The following EML6 variants were observed in gnomAD, a reference collection of about 807,000 sequenced individuals.
The protein encoded by EML6 is EMAP like 6.
A neutral mutation model predicts 240.1 loss-of-function variants in EML6; 154 were observed. The observed-to-expected ratio is 0.64, with a 90% CI of 0.56 to 0.73. The LOEUF is 0.73. EML6 is among the 30% of genes least tolerant of loss of function. EML6 has a pLI of 0.00. For missense variants in EML6, 2,964 were observed against 2,474.6 expected (o/e 1.20, Z -4.20); for synonymous variants, 1,148 against 899.0 (o/e 1.28, Z -4.95).
At position 54,879,530 on chromosome 2, in the gene EML6, G is replaced by C. The variant is rs1422700277; in HGVS notation, c.2345-17G>C. 1 of 1,521,380 alleles carries C rather than the reference G, an allele frequency of 6.6e-7. No individual in the cohort carries two copies. The highest frequency in any genetic ancestry group is 8.9e-7 in the Non-Finnish European group (1 of 1,120,552). 94.2% of individuals were successfully genotyped at this position (1,521,380 alleles called of 1,614,324 possible). ...TTTCATGGAAGAAATTTTGACATTT[G>C]TGTTGTTTTCATACAGCCGATGGAA... On this transcript the variant is annotated splice_polypyrimidine_tract_variant and intron_variant, in intron 16 of 41. Coordinates refer to ENST00000356458, the MANE Select transcript of EML6 (RefSeq NM_001039753.4).
chr2:54,798,246 C>A (rs1572913753), intron 2 of EML6, among the ~76,000 whole-genome samples: 1 of 152,186 alleles, frequency 6.6e-6, no homozygotes, highest in Admixed American at 6.5e-5. Flanking sequence ...CATCTCGGCT[C>A]ACTGCAACCT....
At chr2:54,898,311 G>C (rs948592687) in intron 21 of EML6, among the ~76,000 whole-genome samples, 5 of 152,142 alleles carry the variant, frequency 3.3e-5, no homozygotes, top group African/African-American at 4.8e-5. Flanking sequence ...TAAGGCAGTG[G>C]TTTAAAAGGA....
intron 17 of EML6, among the ~76,000 whole-genome samples, chr2:54,883,476 A>T (rs536660361): frequency 6.6e-6 from 1 of 152,310 alleles, no homozygotes; most frequent in East Asian, 1.9e-4. Flanking sequence ...GCCTCTATGC[A>T]AACAGAGTTC....
intron 25 of EML6, among the ~76,000 whole-genome samples, chr2:54,912,440 A>T (rs1673691610): frequency 6.6e-6 from 1 of 152,040 alleles, no homozygotes; most frequent in Admixed American, 6.6e-5. Context: ...AGATTCGGGG[A>T]TACATGCATA....
intron 22 of EML6, among the ~76,000 whole-genome samples, chr2:54,901,745 G>C (rs1039553739): frequency 2.0e-5 from 3 of 152,194 alleles, no homozygotes; most frequent in Non-Finnish European, 4.4e-5. Context: ...ATGAACAGAG[G>C]AGTTGGTAAA....
rs922995194 is a variant in EML6, at chr2:54,821,806, AAAAC to A, written c.525+1348_525+1351del. On this transcript the variant is annotated intron_variant, in intron 5 of 41. Coordinates refer to ENST00000356458, the MANE Select transcript of EML6 (RefSeq NM_001039753.4). ...AAGTCAATACTTCATACTATACACT[AAAAC>A]AAAGTCTATATGAATTAAAGAGGTA... Among the ~76,000 whole-genome samples the A allele has an allele frequency of 1.6e-4, 25 of 152,238 alleles. No individual in the cohort carries two copies. In the South Asian group the frequency reaches 2.3e-3, roughly 14 times the overall value.
intron 10 of EML6, among the ~76,000 whole-genome samples, chr2:54,851,356 C>T (rs779052381): frequency 5.9e-5 from 9 of 152,024 alleles, no homozygotes; most frequent in Admixed American, 2.0e-4. Flanking sequence ...GAGGTTGCAG[C>T]GAGCTGAGAT....
At chr2:54,841,572 A>G (rs1180083094) in intron 7 of EML6, among the ~76,000 whole-genome samples, 2 of 137,540 alleles carry the variant, frequency 1.5e-5, no homozygotes, top group Non-Finnish European at 3.1e-5. Context: ...CAGCTGGTTT[A>G]GTATTTGTCT....
chr2:54,958,863 TCA>T (rs1014106447), intron 33 of EML6, among the ~76,000 whole-genome samples: 3 of 151,960 alleles, frequency 2.0e-5, no homozygotes, highest in Non-Finnish European at 4.4e-5. Flanking sequence ...ACAGCTGTGC[TCA>T]GAGGGGAAGT....
rs1035215147 is a variant in EML6, at chr2:54,858,246, C to T, written c.1658-1288C>T. ...TGCTTATGACGTGGCATATAGAGAT[C>T]CAAGAAAGACAGCAAGGCAGAATCT... On this transcript the variant is annotated intron_variant, in intron 11 of 41. Transcript: ENST00000356458. Among the ~76,000 whole-genome samples, 5 of 152,320 alleles carry T rather than the reference C, an allele frequency of 3.3e-5. No homozygotes were observed. The South Asian group carries it at 1.0e-3, about 32-fold the overall frequency.
chr2:54,786,447 C>A (rs937960451), intron 2 of EML6, among the ~76,000 whole-genome samples: 1 of 152,174 alleles, frequency 6.6e-6, no homozygotes, highest in Non-Finnish European at 1.5e-5. Flanking sequence ...GACCACACAA[C>A]GGAGAACAGT....
rs1408146926 is a variant in EML6, at chr2:54,928,320, A to C, written c.3683A>C (p.His1228Pro). ...CAATTTCGGGCTTTACAGGGACAGC[A>C]CGCAAGATTCAAGAAGTATGTGGGG... is the stretch of plus-strand genomic sequence containing the variant. The part of the protein sequence containing the change: ...KLFSYPVKGQ[H>P]ARFKKYVGHS... The change falls in exon 27 of 42, where the codon CAC becomes CCC. Residue 1228 changes from histidine to proline, a missense_variant. Physicochemically the swap from His to Pro is moderately conservative, Grantham distance 77. Transcript: ENST00000356458. The C allele has an allele frequency of 6.6e-5, 103 of 1,551,894 alleles. No homozygotes were observed. Among genetic ancestry groups the C allele is most frequent in the Non-Finnish European group, 8.6e-5 (99 of 1,146,998 alleles).
At position 54,916,865 on chromosome 2, in the gene EML6, C is replaced by T. The variant is rs370241944; in HGVS notation, c.3605C>T (p.Thr1202Ile). 2.3e-4 allele frequency: 353 copies of T among 1,550,580 alleles called. No homozygotes were observed. In the African/African-American group the frequency reaches 4.6e-3, roughly 20 times the overall value. The change falls in exon 26 of 42, where the codon ACC becomes ATC. Residue 1202 changes from threonine (T) to isoleucine (I), a missense_variant. Coordinates refer to ENST00000356458, the MANE Select transcript of EML6 (RefSeq NM_001039753.4). ...DITDVNAASL[T>I]KDCSLLATGD... ...ACTGACGTAAATGCTGCCAGTCTTA[C>T]CAAAGACTGTTCCCTTTTAGCCACC... is the stretch of plus-strand genomic sequence containing the variant.
At chr2:54,837,925 G>A (rs1669238730) in intron 7 of EML6, among the ~76,000 whole-genome samples, 1 of 152,088 alleles carries the variant, frequency 6.6e-6, no homozygotes, top group African/African-American at 2.4e-5. Context: ...TTGGAACATG[G>A]GTTTTAAGAA....
At chr2:54,788,570 C>T (rs1245674503) in intron 2 of EML6, among the ~76,000 whole-genome samples, 1 of 152,178 alleles carries the variant, frequency 6.6e-6, no homozygotes, top group Non-Finnish European at 1.5e-5. Flanking sequence ...CAGAGAGAGA[C>T]CTCAAGACCA....
chr2:54,780,602 G>T (rs1301155778), intron 2 of EML6, among the ~76,000 whole-genome samples: 1 of 152,100 alleles, frequency 6.6e-6, no homozygotes, highest in East Asian at 1.9e-4. Context: ...GGTTAAAAAA[G>T]AAATACACCG....
intron 14 of EML6, chr2:54,868,121 T>C (rs1364818190): frequency 6.6e-6 from 1 of 152,244 alleles, no homozygotes. Flanking sequence ...GATTACATGT[T>C]GATATAGTAA....
intron 22 of EML6, among the ~76,000 whole-genome samples, chr2:54,902,787 C>G (rs1673127952): frequency 6.6e-6 from 1 of 152,182 alleles, no homozygotes. Flanking sequence ...GTGGCCCAGA[C>G]TGGTCTCGAA....
Position 54,853,820 on chromosome 2 carries a change from T to A in EML6, c.1622T>A (p.Leu541Gln), listed in dbSNP as rs1347073924. 13 of 1,551,406 alleles carry A rather than the reference T, an allele frequency of 8.4e-6. No homozygotes were observed. Among genetic ancestry groups the A allele is most frequent in the Admixed American group, 7.9e-5 (4 of 50,948 alleles). ...SVLVSGDDFG[L>Q]VKLFKFPCLK... is the part of the protein sequence containing the mutation. ...CTGGTGTCTGGAGATGATTTTGGAC[T>A]GGTTAAATTGTTTAAATTTCCTTGT... The change falls in exon 11 of 42, where the codon CTG becomes CAG. Residue 541 changes from leucine (L) to glutamine (Q), a missense_variant. Leu to Gln is a moderately radical substitution (Grantham distance 113). Transcript: ENST00000356458.
Sources: gnomAD v4.1 joint callset for allele counts (sites outside exome capture counted in the v4.1 genomes callset) on GRCh38, gnomAD v4.1.1 for gene constraint, MANE v1.5 for transcripts, NCBI Gene and HGNC (gene_info 2026-07-23, HGNC 2026-07-21) for gene names.